The following LDLRAD3 variants were observed in gnomAD, a reference collection of about 807,000 sequenced individuals.
The protein encoded by LDLRAD3 is low density lipoprotein receptor class A domain containing 3, also known as low-density lipoprotein receptor class A domain-containing protein 3.
LDLRAD3 carries 20 observed loss-of-function variants against 29.4 expected under a neutral mutation model. The observed-to-expected ratio is 0.68, with a 90% CI of 0.48 to 0.99. The LOEUF (loss-of-function observed/expected upper bound fraction) is 0.99, where lower values mean the gene tolerates loss of function less well. LDLRAD3 is among the 50% of genes least tolerant of loss of function. LDLRAD3 has a pLI of 0.00. For synonymous variants in LDLRAD3, 157 were observed against 192.7 expected, an observed-to-expected ratio of 0.81 and a Z score of 1.53; for missense variants, 420 against 454.3, an observed-to-expected ratio of 0.92 and a Z score of 0.69.
At chr11:36,227,534 T>C in intron 5 of LDLRAD3, 104 bp downstream of exon 5, 1 of 851,888 alleles carries the variant, frequency 1.2e-6, no homozygotes, top group East Asian at 2.7e-5. Flanking sequence ...GAGCCTGGCT[T>C]CAGCTGCTAT....
chr11:36,168,853 A>G (rs1279843980), intron 4 of LDLRAD3, among the ~76,000 whole-genome samples: 1 of 152,150 alleles, frequency 6.6e-6, no homozygotes, highest in Non-Finnish European at 1.5e-5. Context: ...TCAGCTCTCT[A>G]ATTCATCAAA....
chr11:36,104,189 G>A (rs1853492714), intron 4 of LDLRAD3, among the ~76,000 whole-genome samples: 1 of 152,192 alleles, frequency 6.6e-6, no homozygotes, highest in Admixed American at 6.5e-5. Context: ...ATATGGCAAG[G>A]GACGGAAGGA....
chr11:36,203,050 C>T (rs971602862), intron 4 of LDLRAD3, among the ~76,000 whole-genome samples: 4 of 151,642 alleles, frequency 2.6e-5, no homozygotes, highest in Non-Finnish European at 5.9e-5. Context: ...GATCCTCCCT[C>T]CTTAGCCTCC....
intron 4 of LDLRAD3, among the ~76,000 whole-genome samples, chr11:36,181,351 T>G (rs1025906315): frequency 4.6e-5 from 7 of 152,222 alleles, no homozygotes; most frequent in African/African-American, 1.7e-4. Context: ...TACTGTGTCC[T>G]GAGCCCTGAG....
chr11:35,949,039 A>C (rs1035264928), intron 1 of LDLRAD3, among the ~76,000 whole-genome samples: 2 of 151,924 alleles, frequency 1.3e-5, no homozygotes, highest in Admixed American at 1.3e-4. Context: ...ATTACTGTGC[A>C]TCATTACTGT....
chr11:35,986,143 C>G (rs753725425), intron 1 of LDLRAD3, among the ~76,000 whole-genome samples: 4 of 151,986 alleles, frequency 2.6e-5, no homozygotes, highest in Non-Finnish European at 4.4e-5. Context: ...TTAGGGGCCA[C>G]AAAAATAAGA....
chr11:35,994,665 G>A (rs1229702375), intron 1 of LDLRAD3, among the ~76,000 whole-genome samples: 2 of 152,168 alleles, frequency 1.3e-5, no homozygotes, highest in East Asian at 1.9e-4. Context: ...TCTGTAGCAC[G>A]CAATGCCTGT....
intron 1 of LDLRAD3, among the ~76,000 whole-genome samples, chr11:35,999,277 A>C (rs112303483): frequency 0.011 from 1,603 of 152,328 alleles, 27 homozygotes; most frequent in African/African-American, 0.036. Context: ...GGTGCAGGAA[A>C]GTGCTGCGAC....
intron 3 of LDLRAD3, among the ~76,000 whole-genome samples, chr11:36,087,127 A>C (rs1727087126): frequency 1.3e-5 from 2 of 152,194 alleles, no homozygotes; most frequent in South Asian, 2.1e-4. Flanking sequence ...TTCATTCATA[A>C]ATAAACTCTA....
intron 1 of LDLRAD3, among the ~76,000 whole-genome samples, chr11:36,028,278 G>A (rs61879142): frequency 0.073 from 11,139 of 152,258 alleles, 441 homozygotes; most frequent in South Asian, 0.14. Context: ...ATAGGCATTT[G>A]TGGAGAGTCT....
In LDLRAD3 at chr11:36,098,336, C is replaced by T. The variant is rs1450596525; in HGVS notation, c.329C>T (p.Pro110Leu). 6.2e-6 allele frequency: 10 copies of T among 1,614,012 alleles called. No homozygotes were observed. The highest frequency in any genetic ancestry group is 8.5e-6 in the Non-Finnish European group (10 of 1,180,016). Reference protein sequence around the residue: ...GSDEENCTANPLLCSTARYHC... With the variant: ...GSDEENCTANLLLCSTARYHC... ...TGTTTTCCCTCTGCAGCAGCAAACC[C>T]TCTGCTTTGCTCCACCGCCCGCTAC... Residue 110 changes from proline to leucine, a missense_variant, in exon 4 of 6, where the codon CCT becomes CTT. Pro to Leu is a moderately conservative substitution (Grantham distance 98). Around this residue, in one of 3 missense-constraint regions of LDLRAD3, gnomAD observed 224 missense variants for 222.2 expected, o/e 1.01. Coordinates refer to ENST00000315571, the MANE Select transcript of LDLRAD3 (RefSeq NM_174902.4).
intron 1 of LDLRAD3, among the ~76,000 whole-genome samples, chr11:35,984,390 A>T (rs1286497202): frequency 6.6e-6 from 1 of 152,158 alleles, no homozygotes; most frequent in African/African-American, 2.4e-5. Context: ...AGGTCAACTG[A>T]TTTGTCCAAG....
intron 4 of LDLRAD3, among the ~76,000 whole-genome samples, chr11:36,158,696 TG>T (rs1022249324): frequency 2.6e-5 from 4 of 152,316 alleles, no homozygotes; most frequent in African/African-American, 9.6e-5. Flanking sequence ...GCAGTGCCTG[TG>T]GTGTGACAGA....
chr11:35,964,114 A>G (rs1319419471), intron 1 of LDLRAD3, among the ~76,000 whole-genome samples: 2 of 152,238 alleles, frequency 1.3e-5, no homozygotes, highest in African/African-American at 4.8e-5. Flanking sequence ...CATAAGTATT[A>G]CAAGTTTGCT....
chr11:36,067,535 A>G (rs939349872), intron 2 of LDLRAD3, among the ~76,000 whole-genome samples: 7 of 152,222 alleles, frequency 4.6e-5, no homozygotes, highest in African/African-American at 1.7e-4. Context: ...CAAGGTTGGT[A>G]GTGTTCATCT....
intron 4 of LDLRAD3, among the ~76,000 whole-genome samples, chr11:36,151,087 C>T (rs1417712875): frequency 2.0e-5 from 3 of 152,174 alleles, no homozygotes; most frequent in Non-Finnish European, 2.9e-5. Context: ...CTTTCAGGCA[C>T]ACTTTTCTGT....
intron 1 of LDLRAD3, among the ~76,000 whole-genome samples, chr11:36,028,620 T>G (rs1230441506): frequency 6.6e-6 from 1 of 152,230 alleles, no homozygotes; most frequent in Non-Finnish European, 1.5e-5. Flanking sequence ...GCACTAACTT[T>G]GAACCTCAAT....
Position 35,981,756 on chromosome 11 carries a change from C to T in LDLRAD3, c.46+37612C>T, listed in dbSNP as rs111502220. 1.3e-3 allele frequency among the ~76,000 whole-genome samples: 193 copies of T among 152,306 alleles called. 1 individual carries two copies. Among genetic ancestry groups the T allele is most frequent in the Middle Eastern group, 3.4e-3 (1 of 294 alleles). ...CATCTCCCATCAAGTTGGCATTTCCCTGGCTTTAGCTTTCGACAGGAACCA... is the reference window on the plus strand; with the variant it reads ...CATCTCCCATCAAGTTGGCATTTCCTTGGCTTTAGCTTTCGACAGGAACCA... On this transcript the variant is annotated intron_variant, in intron 1 of 5. Coordinates refer to ENST00000315571, the MANE Select transcript of LDLRAD3 (RefSeq NM_174902.4).
intron 4 of LDLRAD3, among the ~76,000 whole-genome samples, chr11:36,126,709 C>T (rs190146614): frequency 2.3e-3 from 354 of 152,226 alleles, no homozygotes; most frequent in African/African-American, 7.8e-3. Flanking sequence ...TTTTAGTCTC[C>T]GGGAACTCCA....
Sources: gnomAD v4.1 joint callset for allele counts (sites outside exome capture counted in the v4.1 genomes callset) on GRCh38, gnomAD v4.1.1 for gene constraint, gnomAD v4.1.1 regional missense constraint, MANE v1.5 for transcripts, NCBI Gene and HGNC (gene_info 2026-07-23, HGNC 2026-07-21) for gene names.